Variants in CATSPERG observed in about 807,000 individuals in gnomAD.
CATSPERG encodes catsper channel auxiliary subunit gamma.
Under a neutral mutation model 145.0 loss-of-function variants are expected in CATSPERG, and 115 were observed. The observed-to-expected ratio is 0.79, with a 90% confidence interval of 0.68 to 0.93. CATSPERG has a LOEUF of 0.93. CATSPERG is among the 40% of genes least tolerant of loss of function. The pLI is 0.00. For synonymous variants in CATSPERG, 588 were observed against 589.0 expected, an observed-to-expected ratio of 1.00 and a Z score of 0.02; for missense variants, 1,296 against 1,490.1, an observed-to-expected ratio of 0.87 and a Z score of 2.14.
Position 38,370,582 on chromosome 19 carries a change from G to A in CATSPERG, c.3270G>A (p.Leu1090=). Residue 1090 remains leucine (L), a synonymous_variant, in exon 29 of 29, where the codon CTG becomes CTA. Transcript: ENST00000409235. The stretch of plus-strand genomic sequence containing the variant: ...TCTTCTACATCGCCTTCTGCCTCCT[G>A]TGGCCCCTCGTGGTGAAGGGCTGCA... The part of the protein sequence containing the change: ...LVIFYIAFCL[L]WPLVVKGCTM... 1.2e-6 allele frequency: 2 copies of A among 1,614,166 alleles called. No individual in the cohort carries two copies. Among genetic ancestry groups the A allele is most frequent in the Non-Finnish European group, 1.7e-6 (2 of 1,180,038 alleles).
intron 22 of CATSPERG, 57 bp downstream of exon 22, chr19:38,365,174 C>A: frequency 7.0e-7 from 1 of 1,437,712 alleles, no homozygotes; most frequent in Non-Finnish European, 9.8e-7. Flanking sequence ...CGGGTCTCAA[C>A]AGGGCTAATC....
intron 28 of CATSPERG, 107 bp from the exon 29 acceptor site, chr19:38,370,419 C>T: frequency 6.7e-7 from 1 of 1,498,814 alleles, no homozygotes; most frequent in Non-Finnish European, 9.2e-7. Flanking sequence ...TCATTTCCTC[C>T]TGCTGTCATG....
chr19:38,365,361 C>T (rs1275136614), intron 22 of CATSPERG: 5 of 464,714 alleles, frequency 1.1e-5, no homozygotes, highest in Non-Finnish European at 1.9e-5. Context: ...CACTTTGCCT[C>T]CTTGGCTCAA....
intron 8 of CATSPERG, among the ~76,000 whole-genome samples, chr19:38,353,990 CAAAAAA>C (rs965226814): frequency 0.012 from 381 of 30,534 alleles, no homozygotes; most frequent in Non-Finnish European, 0.019. Context: ...GACTCTGTCT[CAAAAAA>C]AAAAAAAAAA....
chr19:38,361,294 A>G (rs936852849), intron 16 of CATSPERG, among the ~76,000 whole-genome samples: 1 of 152,124 alleles, frequency 6.6e-6, no homozygotes, highest in African/African-American at 2.4e-5. Context: ...GCCTCCGGTC[A>G]TCGTCCTGCG....
At chr19:38,337,185 G>C (rs548271948) in intron 1 of CATSPERG, 36 bp from the exon 2 acceptor site, 10 of 1,541,644 alleles carry the variant, frequency 6.5e-6, no homozygotes, top group Middle Eastern at 1.9e-4. Context: ...CCAGAGAGCT[G>C]TCCGGCGCGT....
intron 7 of CATSPERG, among the ~76,000 whole-genome samples, chr19:38,350,300 C>G (rs546515862): frequency 2.6e-5 from 4 of 152,286 alleles, no homozygotes; most frequent in African/African-American, 9.6e-5. Flanking sequence ...TATTGGTTCA[C>G]GAGACCAGAT....
At chr19:38,343,910 T>TG in intron 4 of CATSPERG, 83 bp from the exon 5 acceptor site, 1 of 1,508,680 alleles carries the variant, frequency 6.6e-7, no homozygotes, top group East Asian at 2.5e-5. Flanking sequence ...TGGGGAGTTG[T>TG]GGGGAGATCC....
At position 38,367,312 on chromosome 19, in the gene CATSPERG, A is replaced by G; in HGVS notation, c.2770A>G (p.Ile924Val). The change falls in exon 23 of 29, where the codon ATT (isoleucine) becomes GTT (valine). Residue 924 changes from isoleucine to valine, a missense_variant and splice_region_variant. Physicochemically the swap from Ile to Val is conservative, Grantham distance 29. Coordinates refer to ENST00000409235, the MANE Select transcript of CATSPERG (RefSeq NM_021185.5). ...PEMPCFLFRD[I>V]FYPFFLIQDL... ...GATGCCCTGCTTTCTCTTCCGGGAC[A>G]GTGTGTGTCCAGTCCCTTCCCCTGC... 1 of 1,610,612 alleles carries G rather than the reference A, an allele frequency of 6.2e-7. No homozygotes were observed. Among genetic ancestry groups the G allele is most frequent in the Non-Finnish European group, 8.5e-7 (1 of 1,179,282 alleles).
chr19:38,345,630 G>A (rs900843284), intron 6 of CATSPERG, among the ~76,000 whole-genome samples: 5 of 151,486 alleles, frequency 3.3e-5, no homozygotes, highest in Admixed American at 6.6e-5. Flanking sequence ...TCAGCCTCCT[G>A]AGTAGCTGGG....
intron 12 of CATSPERG, 36 bp from the exon 13 acceptor site, chr19:38,358,396 T>C (rs1692565978): frequency 6.2e-7 from 1 of 1,614,120 alleles, no homozygotes; most frequent in Non-Finnish European, 8.5e-7. Context: ...TGACTCCACT[T>C]CACTGCTGTG....
At chr19:38,367,397 G>T in intron 23 of CATSPERG, 85 bp downstream of exon 23, 3 of 1,559,032 alleles carry the variant, frequency 1.9e-6, no homozygotes, top group Non-Finnish European at 2.6e-6. Context: ...TCCTCTCCCC[G>T]CAGACTACCC....
chr19:38,347,921 A>T (rs1047830208), intron 7 of CATSPERG, among the ~76,000 whole-genome samples: 7 of 151,046 alleles, frequency 4.6e-5, no homozygotes, highest in African/African-American at 9.7e-5. Flanking sequence ...AGCCTGGGCG[A>T]TAGAGCAAGA....
At chr19:38,345,908 A>G (rs1970034067) in intron 6 of CATSPERG, among the ~76,000 whole-genome samples, 2 of 152,192 alleles carry the variant, frequency 1.3e-5, no homozygotes, top group African/African-American at 4.8e-5. Context: ...TCATGGGGAC[A>G]CAGCAGTGAA....
chr19:38,344,687 CATACCT>C, intron 6 of CATSPERG, among the ~76,000 whole-genome samples: 1 of 147,536 alleles, frequency 6.8e-6, no homozygotes, highest in Non-Finnish European at 1.5e-5. Context: ...ATATATAGTA[CATACCT>C]GTACATACAT....
At chr19:38,350,352 T>C (rs1970118010) in intron 7 of CATSPERG, among the ~76,000 whole-genome samples, 1 of 152,178 alleles carries the variant, frequency 6.6e-6, no homozygotes, top group East Asian at 1.9e-4. Context: ...GCCTCATCTC[T>C]TGGACCACAT....
intron 7 of CATSPERG, 103 bp downstream of exon 7, chr19:38,346,708 C>A: frequency 9.4e-7 from 1 of 1,064,412 alleles, no homozygotes; most frequent in Non-Finnish European, 1.3e-6. Flanking sequence ...TCCCCAAAGA[C>A]ATATCTGTCC....
chr19:38,337,183 C>T (rs186535465), intron 1 of CATSPERG, 38 bp from the exon 2 acceptor site: 2 of 1,540,478 alleles, frequency 1.3e-6, no homozygotes, highest in Admixed American at 2.0e-5. Flanking sequence ...CTCCAGAGAG[C>T]TGTCCGGCGC....
At position 38,361,500 on chromosome 19, in the gene CATSPERG, C is replaced by T. The variant is rs199503676; in HGVS notation, c.1881-148C>T. On this transcript the variant is annotated intron_variant, in intron 16 of 28. Coordinates refer to ENST00000409235, the MANE Select transcript of CATSPERG (RefSeq NM_021185.5). ...ACGTCCGAGGGGATGTGTGCAGAGG[C>T]CTCTGGGCAGCAGGGGCTGACGCTG... 9.1e-6 allele frequency: 6 copies of T among 660,376 alleles called. No individual in the cohort carries two copies. The East Asian group carries it at 1.4e-4, about 15-fold the overall frequency. 40.9% of individuals were successfully genotyped at this position (660,376 alleles called of 1,614,324 possible).
Sources: gnomAD v4.1 joint callset for allele counts (sites outside exome capture counted in the v4.1 genomes callset) on GRCh38, gnomAD v4.1.1 for gene constraint, MANE v1.5 for transcripts, NCBI Gene and HGNC (gene_info 2026-07-23, HGNC 2026-07-21) for gene names.